The following PCDHGA1 variants were observed in gnomAD, a reference collection of about 807,000 sequenced individuals.
The protein encoded by PCDHGA1 is protocadherin gamma-A1.
In PCDHGA1, 32 loss-of-function variants were observed where a neutral mutation model predicts 58.0. That is an observed-to-expected ratio of 0.55 (90% CI 0.42 to 0.74). The LOEUF is 0.74. Among genes scored for constraint, PCDHGA1 ranks in the 30% least tolerant of loss-of-function variants. The pLI, the probability that PCDHGA1 is intolerant of heterozygous loss-of-function variation, is 0.00. For missense variants in PCDHGA1, 1,205 were observed against 1,182.3 expected (o/e 1.02, Z -0.28); for synonymous variants, 498 against 501.1 (o/e 0.99, Z 0.08).
At chr5:141,462,905 T>G (rs542357408) in intron 1 of PCDHGA1, among the ~76,000 whole-genome samples, 265 of 152,356 alleles carry the variant, frequency 1.7e-3, no homozygotes, top group Non-Finnish European at 3.1e-3. Flanking sequence ...AAGGCTATTA[T>G]GTTTTTTGCA....
intron 1 of PCDHGA1, chr5:141,418,303 G>T: frequency 6.2e-7 from 1 of 1,614,032 alleles, no homozygotes; most frequent in Middle Eastern, 1.6e-4. Flanking sequence ...CCGTCAGCCT[G>T]GGGATGGGAA....
chr5:141,360,290 A>G, intron 1 of PCDHGA1: 4 of 1,614,018 alleles, frequency 2.5e-6, no homozygotes, highest in Non-Finnish European at 3.4e-6. Flanking sequence ...AACCTCGCCA[A>G]GGATCTGGGG....
At chr5:141,408,373 T>C in intron 1 of PCDHGA1, 1 of 1,613,952 alleles carries the variant, frequency 6.2e-7, no homozygotes, top group Non-Finnish European at 8.5e-7. Flanking sequence ...TAGGGCTCAG[T>C]GTCCTGGATG....
chr5:141,410,023 C>T (rs1172248089), intron 1 of PCDHGA1: 1 of 1,613,310 alleles, frequency 6.2e-7, no homozygotes, highest in South Asian at 1.1e-5. Flanking sequence ...TGTCCTACCA[C>T]GTGCTGCAGG....
intron 1 of PCDHGA1, chr5:141,433,325 C>CA: frequency 2.8e-6 from 2 of 726,266 alleles, no homozygotes; most frequent in Non-Finnish European, 4.5e-6. Context: ...TCCGGTGTAA[C>CA]AGGGACTACA....
chr5:141,439,588 T>C (rs2098121813), intron 1 of PCDHGA1, among the ~76,000 whole-genome samples: 2 of 152,200 alleles, frequency 1.3e-5, no homozygotes, highest in South Asian at 4.1e-4. Flanking sequence ...AGTGCCACTG[T>C]TGGCCAGTCT....
chr5:141,333,028 C>T lies in PCDHGA1; in HGVS notation c.2344C>T (p.Gln782Ter), dbSNP rs1756442521. ...QPNYADTLISQESCEKKGFLS... is the reference protein window; with the variant it reads ...QPNYADTLIS ...CAACTATGCGGACACACTCATCAGC[C>T]AGGAGAGCTGTGAGAAAAAGGGTTT... The change falls in exon 1 of 4, where the codon CAG (glutamine) becomes TAG (stop). Residue 782 changes from glutamine to a stop codon, truncating the protein, a stop_gained. Transcript: ENST00000517417. LOFTEE classifies it high-confidence loss of function. 1 of 1,614,104 alleles carries T rather than the reference C, an allele frequency of 6.2e-7. No homozygotes were observed. The highest frequency in any genetic ancestry group is 8.5e-7 in the Non-Finnish European group (1 of 1,180,064).
Position 141,511,628 on chromosome 5 carries a change from G to C in PCDHGA1, c.*455G>C, listed in dbSNP as rs4912608. 0.2 allele frequency: 46,780 copies of C among 231,598 alleles called. 5,185 individuals are homozygous for C. The highest frequency in any genetic ancestry group is 0.32 in the Admixed American group (6,204 of 19,590). The allele number at this position is 231,598 out of a possible 1,614,324, so 14.3% of individuals were successfully genotyped here. A position where few individuals can be genotyped will look rare whatever the true frequency, so the allele number is the denominator to read the frequency against. On this transcript the variant is annotated 3_prime_UTR_variant, in exon 4 of 4. Transcript: ENST00000517417. ...CAAGCCTCCTAGTTCTGAAAAGTTG[G>C]AAGGGCATCATGACCTCTTGGCCTC...
Position 141,485,633 on chromosome 5 carries a change from T to C in PCDHGA1, c.2422-9174T>C. 2 of 1,611,808 alleles carry C rather than the reference T, an allele frequency of 1.2e-6. No homozygotes were observed. Among genetic ancestry groups the C allele is most frequent in the South Asian group, 1.1e-5 (1 of 90,962 alleles). On this transcript the variant is annotated intron_variant, in intron 1 of 3. Coordinates refer to ENST00000517417, the MANE Select transcript of PCDHGA1 (RefSeq NM_018912.3). The surrounding 1 kb of genome is among the most constrained non-coding windows in gnomAD (Gnocchi z 5.7). Reference sequence around the variant, plus strand: ...AGCTCCTCCAGGACAGCGTTTCCCGTTGGAAAAGGCTCAGGATGCAGATGT... The same window carrying C: ...AGCTCCTCCAGGACAGCGTTTCCCGCTGGAAAAGGCTCAGGATGCAGATGT...
intron 1 of PCDHGA1, chr5:141,383,068 C>T (rs376511249): frequency 6.2e-7 from 1 of 1,613,846 alleles, no homozygotes; most frequent in African/African-American, 1.3e-5. Flanking sequence ...GCTGGAGCCC[C>T]GGGAGCTGGC....
intron 1 of PCDHGA1, among the ~76,000 whole-genome samples, chr5:141,369,122 T>C (rs1766045573): frequency 6.6e-6 from 1 of 152,188 alleles, no homozygotes; most frequent in Non-Finnish European, 1.5e-5. Context: ...GTAAGACACC[T>C]GTCAGAAACA....
At chr5:141,372,615 C>T (rs1244865693) in intron 1 of PCDHGA1, 1 of 1,613,968 alleles carries the variant, frequency 6.2e-7, no homozygotes, top group South Asian at 1.1e-5. Context: ...TGGAGTTCTC[C>T]CCACCTACAG....
At chr5:141,365,398 C>G in intron 1 of PCDHGA1, 1 of 1,613,978 alleles carries the variant, frequency 6.2e-7, no homozygotes, top group South Asian at 1.1e-5. Flanking sequence ...CCAGTTCGAT[C>G]TCTGAAGACT....
intron 1 of PCDHGA1, chr5:141,350,619 T>C (rs1288152150): frequency 1.2e-6 from 2 of 1,614,022 alleles, no homozygotes; most frequent in Admixed American, 3.3e-5. Flanking sequence ...GTTGTTGTAA[T>C]CCAAGATATT....
intron 1 of PCDHGA1, chr5:141,370,325 G>A (rs1414705045): frequency 5.0e-6 from 7 of 1,390,940 alleles, no homozygotes; most frequent in Non-Finnish European, 6.8e-6. Context: ...GGTCCTGCTC[G>A]GAGAACTCTT....
At position 141,410,013 on chromosome 5, in the gene PCDHGA1, T is replaced by A. The variant is rs770463619; in HGVS notation, c.2421+76908T>A. On this transcript the variant is annotated intron_variant, in intron 1 of 3. Coordinates refer to ENST00000517417, the MANE Select transcript of PCDHGA1 (RefSeq NM_018912.3). ...GCCGACTCGGGACACAACGCCTGGC[T>A]GTCCTACCACGTGCTGCAGGCCAGT... 1 of 1,613,296 alleles carries A rather than the reference T, an allele frequency of 6.2e-7. No individual in the cohort carries two copies. Among genetic ancestry groups the A allele is most frequent in the East Asian group, 2.2e-5 (1 of 44,870 alleles).
chr5:141,484,763 T>C (rs2099600495), intron 1 of PCDHGA1, among the ~76,000 whole-genome samples: 1 of 151,872 alleles, frequency 6.6e-6, no homozygotes, highest in East Asian at 1.9e-4. Flanking sequence ...TATATATATA[T>C]ATGTTGTCTG....
At position 141,344,380 on chromosome 5, in the gene PCDHGA1, T is replaced by A. The variant is rs778980089; in HGVS notation, c.2421+11275T>A. On this transcript the variant is annotated intron_variant, in intron 1 of 3. Transcript: ENST00000517417. ...ATTCTGGTTGAGGATAAATTGAAAA[T>A]TTTTGAAGTAGAAATAGAAATTAAA... 8 of 1,612,874 alleles carry A rather than the reference T, an allele frequency of 5.0e-6. No homozygotes were observed. The African/African-American group carries it at 9.4e-5, about 19-fold the overall frequency.
intron 1 of PCDHGA1, chr5:141,408,244 G>A (rs746604555): frequency 6.3e-7 from 1 of 1,585,990 alleles, no homozygotes; most frequent in Non-Finnish European, 8.6e-7. Context: ...CCGGCCCGCG[G>A]CAGGTGCTAT....
Sources: allele counts gnomAD v4.1 joint callset (sites outside exome capture counted in the v4.1 genomes callset), GRCh38; gene constraint gnomAD v4.1.1; non-coding constraint Gnocchi (gnomAD v3.1); transcripts MANE v1.5; gene names NCBI Gene and HGNC (gene_info 2026-07-23, HGNC 2026-07-21).